The following GCLC variants were observed in gnomAD, a reference collection of about 807,000 sequenced individuals.
The protein encoded by GCLC is glutamate--cysteine ligase catalytic subunit.
A neutral mutation model predicts 81.5 loss-of-function variants in GCLC; 30 were observed. The ratio of observed to expected loss-of-function variants is 0.37; its 90% confidence interval spans 0.28 to 0.50. GCLC has a LOEUF of 0.50. GCLC is among the 20% of genes least tolerant of loss of function. The pLI, the probability that GCLC is intolerant of heterozygous loss-of-function variation, is 0.96. For missense variants in GCLC, 556 were observed against 777.4 expected, an observed-to-expected ratio of 0.72 and a Z score of 3.39; for synonymous variants, 262 against 273.3, an observed-to-expected ratio of 0.96 and a Z score of 0.41.
At chr6:53,543,474 G>C (rs1763394032) in intron 1 of GCLC, among the ~76,000 whole-genome samples, 1 of 151,450 alleles carries the variant, frequency 6.6e-6, no homozygotes, top group Non-Finnish European at 1.5e-5. Context: ...CTTTTTGAAA[G>C]GAGATATTCT....
At chr6:53,522,748 C>T (rs1207335537) in intron 1 of GCLC, 4 of 476,190 alleles carry the variant, frequency 8.4e-6, no homozygotes, top group African/African-American at 7.9e-5. Context: ...CTTCTTTCCT[C>T]TGTCCTACTT....
chr6:53,499,460 T>C (rs1042226061), intron 15 of GCLC, among the ~76,000 whole-genome samples: 1 of 152,244 alleles, frequency 6.6e-6, no homozygotes, highest in Non-Finnish European at 1.5e-5. Context: ...GGTAGGGTTC[T>C]ACGGCTATCC....
At chr6:53,509,143 T>C in intron 7 of GCLC, 33 bp downstream of exon 7, 1 of 1,220,124 alleles carries the variant, frequency 8.2e-7, no homozygotes, top group South Asian at 1.2e-5. Context: ...TCATACGAAG[T>C]AGTATTTAAA....
intron 1 of GCLC, among the ~76,000 whole-genome samples, chr6:53,537,027 C>A (rs972737578): frequency 6.6e-6 from 1 of 152,234 alleles, no homozygotes; most frequent in South Asian, 2.1e-4. Flanking sequence ...ATTTACAACA[C>A]TAAACTGCAC....
At chr6:53,533,607 C>T (rs977518120) in intron 1 of GCLC, among the ~76,000 whole-genome samples, 31 of 151,938 alleles carry the variant, frequency 2.0e-4, no homozygotes, top group African/African-American at 6.3e-4. Context: ...TAGAATTTAC[C>T]GATTTTCATA....
At chr6:53,499,023 A>G (rs62416861) in intron 15 of GCLC, 56 bp from the exon 16 acceptor site, 1 of 1,054,480 alleles carries the variant, frequency 9.5e-7, no homozygotes, top group East Asian at 2.4e-5. Context: ...TTTTTTTTTA[A>G]TAAGTTGATA....
chr6:53,505,715 G>C, intron 11 of GCLC, 88 bp downstream of exon 11: 2 of 845,460 alleles, frequency 2.4e-6, no homozygotes, highest in South Asian at 1.3e-5. Flanking sequence ...TTATATATAA[G>C]AGCCTTCTCA....
intron 12 of GCLC, among the ~76,000 whole-genome samples, chr6:53,504,112 C>T (rs1330405865): frequency 4.6e-5 from 7 of 152,110 alleles, no homozygotes; most frequent in South Asian, 2.1e-4. Flanking sequence ...AGCAGGAGGA[C>T]GATCATTTCA....
intron 1 of GCLC, among the ~76,000 whole-genome samples, chr6:53,526,797 C>CAA (rs58177984): frequency 2.8e-5 from 3 of 107,426 alleles, no homozygotes; most frequent in Admixed American, 9.0e-5. Context: ...GACTCCGCCT[C>CAA]AAAAAAAAAA....
intron 1 of GCLC, among the ~76,000 whole-genome samples, chr6:53,525,657 T>C (rs1211965691): frequency 6.6e-6 from 1 of 152,222 alleles, no homozygotes; most frequent in African/African-American, 2.4e-5. Flanking sequence ...ATCAAATATA[T>C]TTATGTACTT....
At chr6:53,525,674 T>C (rs544875947) in intron 1 of GCLC, among the ~76,000 whole-genome samples, 1 of 152,180 alleles carries the variant, frequency 6.6e-6, no homozygotes, top group Non-Finnish European at 1.5e-5. Context: ...ACTTTACACA[T>C]ATATACAACT....
At chr6:53,533,497 T>C (rs150909126) in intron 1 of GCLC, among the ~76,000 whole-genome samples, 3 of 152,288 alleles carry the variant, frequency 2.0e-5, no homozygotes, top group Admixed American at 2.0e-4. Context: ...TCTAGGAAAT[T>C]AATTAAGATT....
In GCLC at chr6:53,498,508, C is replaced by A. The variant is rs1220022117; in HGVS notation, c.*248G>T. ...GAGTAAGAATTTAAAAATGTACAAG[C>A]CAGTTCATGATGACTTTAGATATGT... On this transcript the variant is annotated 3_prime_UTR_variant, in exon 16 of 16. Coordinates refer to ENST00000650454, the MANE Select transcript of GCLC (RefSeq NM_001498.4). 4 of 491,124 alleles carry A rather than the reference C, an allele frequency of 8.1e-6. No individual in the cohort carries two copies. Among genetic ancestry groups the A allele is most frequent in the Middle Eastern group, 1.1e-3 (2 of 1,790 alleles). The allele number at this position is 491,124 out of a possible 1,614,324, so 30.4% of individuals were successfully genotyped here.
chr6:53,517,814 A>G (rs1221476517), intron 3 of GCLC, among the ~76,000 whole-genome samples: 3 of 152,238 alleles, frequency 2.0e-5, no homozygotes, highest in African/African-American at 7.2e-5. Context: ...CCGATGTGGT[A>G]GTCACTAACC....
At chr6:53,517,102 T>TC (rs1764891077) in intron 3 of GCLC, among the ~76,000 whole-genome samples, 7 of 138,328 alleles carry the variant, frequency 5.1e-5, no homozygotes, top group East Asian at 4.1e-4. Context: ...TTTTTTTTTT[T>TC]CTGAGAAAGG....
intron 6 of GCLC, 152 bp downstream of exon 6, chr6:53,514,052 A>T: frequency 1.5e-6 from 1 of 668,634 alleles, no homozygotes. Context: ...TGAATTTACT[A>T]ATATAACTTC....
At chr6:53,501,632 A>G (rs1038128395) in intron 12 of GCLC, among the ~76,000 whole-genome samples, 1 of 152,190 alleles carries the variant, frequency 6.6e-6, no homozygotes, top group African/African-American at 2.4e-5. Context: ...GTCTCCTCCC[A>G]TATTCATTAT....
At position 53,526,793 on chromosome 6, in the gene GCLC, G is replaced by A. The variant is rs1476252379; in HGVS notation, c.151-4266C>T. On this transcript the variant is annotated intron_variant, in intron 1 of 15. Coordinates refer to ENST00000650454, the MANE Select transcript of GCLC (RefSeq NM_001498.4). ...GGCCTGGGTGACAGAGCAAGACTCC[G>A]CCTCAAAAAAAAAAAAAAAAAAAAC... 1.8e-4 allele frequency among the ~76,000 whole-genome samples: 11 copies of A among 62,280 alleles called. No individual in the cohort carries two copies. In the South Asian group the frequency reaches 2.3e-3, roughly 13 times the overall value. The allele number at this position is 62,280 out of a possible 152,430, so 40.9% of individuals were successfully genotyped here.
At chr6:53,525,856 T>C (rs894187543) in intron 1 of GCLC, among the ~76,000 whole-genome samples, 1 of 152,194 alleles carries the variant, frequency 6.6e-6, no homozygotes, top group Non-Finnish European at 1.5e-5. Context: ...ATACTGTTTT[T>C]TGGCACCCAT....
Sources: allele counts gnomAD v4.1 joint callset (sites outside exome capture counted in the v4.1 genomes callset), GRCh38; gene constraint gnomAD v4.1.1; transcripts MANE v1.5; gene names NCBI Gene and HGNC (gene_info 2026-07-23, HGNC 2026-07-21).